The following TBCEL variants were observed in gnomAD, a reference collection of about 807,000 sequenced individuals.
TBCEL encodes tubulin-specific chaperone cofactor E-like protein.
In TBCEL, 15 loss-of-function variants were observed where a neutral mutation model predicts 44.2. That is an observed-to-expected ratio of 0.34 (90% CI 0.23 to 0.52). TBCEL has a LOEUF of 0.52. Ranked by LOEUF, TBCEL falls within the 20% of genes least tolerant of loss-of-function variation. The probability of loss-of-function intolerance (pLI) is 0.95; values close to 1 mark genes in which losing one functional copy is unlikely to be tolerated. For synonymous variants in TBCEL, 171 were observed against 185.4 expected (o/e 0.92, Z 0.63); for missense variants, 319 against 506.3 (o/e 0.63, Z 3.55).
At position 121,079,547 on chromosome 11, in the gene TBCEL, A is replaced by C. The variant is rs1055680645; in HGVS notation, c.957-7231A>C. 3.7e-4 allele frequency among the ~76,000 whole-genome samples: 56 copies of C among 152,170 alleles called. 1 individual carries two copies. Among genetic ancestry groups the C allele is most frequent in the Non-Finnish European group, 1.2e-4 (8 of 68,022 alleles). On this transcript the variant is annotated intron_variant, in intron 8 of 8. Transcript: ENST00000683345. ...TGGGTCTCAATTTTTACATCTGTAA[A>C]TTATGTAATAGATGGTTTCTAAGAT...
At chr11:121,077,598 T>C (rs1209498856) in intron 8 of TBCEL, among the ~76,000 whole-genome samples, 1 of 152,080 alleles carries the variant, frequency 6.6e-6, no homozygotes, top group Non-Finnish European at 1.5e-5. Context: ...TTTCTCTGTT[T>C]TATTTGCTAT....
Position 121,053,552 on chromosome 11 carries a change from T to A in TBCEL, c.275T>A (p.Val92Asp), listed in dbSNP as rs772163083. 6.2e-7 allele frequency: 1 copy of A among 1,611,692 alleles called. No individual in the cohort carries two copies. Among genetic ancestry groups the A allele is most frequent in the Non-Finnish European group, 8.5e-7 (1 of 1,178,494 alleles). ...ATGCTTTTCTTTTTTTCTCCTTAGG[T>A]CAGTAAAATTGTGTCAAATGTTCCT... ...SDNKLEDWHE[V>D]SKIVSNVPQL... Residue 92 changes from valine to aspartate, a missense_variant and splice_region_variant, in exon 5 of 9, where the codon GTC (valine) becomes GAC (aspartate). Coordinates refer to ENST00000683345, the MANE Select transcript of TBCEL (RefSeq NM_001363644.2).
chr11:121,077,653 GC>G (rs1456055063), intron 8 of TBCEL, among the ~76,000 whole-genome samples: 1 of 151,604 alleles, frequency 6.6e-6, no homozygotes, highest in African/African-American at 2.4e-5. Flanking sequence ...CCTTCTTGTT[GC>G]TTTGGATTTA....
intron 4 of TBCEL, among the ~76,000 whole-genome samples, chr11:121,050,895 T>C (rs1277730222): frequency 1.3e-5 from 2 of 151,626 alleles, no homozygotes; most frequent in East Asian, 3.9e-4. Context: ...AGAGGAGTCT[T>C]TTTTATTTTT....
chr11:121,057,825 C>T (rs964764123), intron 6 of TBCEL, among the ~76,000 whole-genome samples: 1 of 142,340 alleles, frequency 7.0e-6, no homozygotes, highest in African/African-American at 2.7e-5. Context: ...GTAGGAGGTC[C>T]TGGAAACCAG....
chr11:121,065,308 A>C (rs142309288), intron 8 of TBCEL, among the ~76,000 whole-genome samples: 1 of 152,330 alleles, frequency 6.6e-6, no homozygotes, highest in African/African-American at 2.4e-5. Flanking sequence ...CTCTGCAAGC[A>C]AGAAAAGATC....
intron 1 of TBCEL, among the ~76,000 whole-genome samples, chr11:121,026,188 C>T (rs890998348): frequency 9.9e-5 from 15 of 152,134 alleles, no homozygotes; most frequent in African/African-American, 3.6e-4. Flanking sequence ...TTACAGTCTA[C>T]GGCTTTGGTA....
At chr11:121,062,677 A>ATTTC (rs1945746438) in intron 8 of TBCEL, among the ~76,000 whole-genome samples, 1 of 152,216 alleles carries the variant, frequency 6.6e-6, no homozygotes, top group South Asian at 2.1e-4. Flanking sequence ...AATGCGAGTC[A>ATTTC]TAGAAACCAG....
intron 2 of TBCEL, among the ~76,000 whole-genome samples, chr11:121,040,882 T>C (rs1945319781): frequency 6.6e-6 from 1 of 152,206 alleles, no homozygotes; most frequent in African/African-American, 2.4e-5. Context: ...TTCTTCTCTC[T>C]GGAGTCAACT....
intron 8 of TBCEL, among the ~76,000 whole-genome samples, chr11:121,068,519 T>C (rs893400202): frequency 6.6e-6 from 1 of 152,082 alleles, no homozygotes; most frequent in Non-Finnish European, 1.5e-5. Flanking sequence ...TCTCCCTGAG[T>C]CCACCCTTGC....
chr11:121,056,669 G>T (rs928611612), intron 6 of TBCEL, among the ~76,000 whole-genome samples: 1 of 151,742 alleles, frequency 6.6e-6, no homozygotes, highest in Non-Finnish European at 1.5e-5. Flanking sequence ...TTTGGATTTT[G>T]ACTATTCTAA....
rs903760511 is a variant in TBCEL at position 121,088,401 on chromosome 11, A to G, written c.*1305A>G. 3.3e-5 allele frequency: 5 copies of G among 152,166 alleles called. No individual in the cohort carries two copies. Among genetic ancestry groups the G allele is most frequent in the African/African-American group, 1.2e-4 (5 of 41,444 alleles). The allele number at this position is 152,166 out of a possible 1,614,324, so 9.4% of individuals were successfully genotyped here. A position where few individuals can be genotyped will look rare whatever the true frequency, so the allele number is the denominator to read the frequency against. ...AAGCACATTTAAAGCACTTTTCTGT[A>G]AAAGCTAGTTCCTTACCTGCTTGGA... On this transcript the variant is annotated 3_prime_UTR_variant, in exon 9 of 9. Coordinates refer to ENST00000683345, the MANE Select transcript of TBCEL (RefSeq NM_001363644.2).
intron 6 of TBCEL, among the ~76,000 whole-genome samples, chr11:121,057,250 A>T (rs1260747922): frequency 6.6e-6 from 1 of 151,832 alleles, no homozygotes; most frequent in Non-Finnish European, 1.5e-5. Flanking sequence ...CTGAAGGTTG[A>T]TAAAAATAGG....
chr11:121,033,662 G>A (rs1034280610), intron 1 of TBCEL, among the ~76,000 whole-genome samples: 6 of 152,032 alleles, frequency 3.9e-5, no homozygotes, highest in African/African-American at 9.7e-5. Flanking sequence ...TAAAATGTAC[G>A]TAACATAAAA....
intron 8 of TBCEL, among the ~76,000 whole-genome samples, chr11:121,077,583 T>C (rs907968946): frequency 6.6e-6 from 1 of 152,114 alleles, no homozygotes; most frequent in East Asian, 1.9e-4. Flanking sequence ...TCGGGTGTTA[T>C]GAGTTTTCTC....
chr11:121,059,526 A>G (rs556911636), intron 7 of TBCEL, among the ~76,000 whole-genome samples: 2 of 152,114 alleles, frequency 1.3e-5, no homozygotes, highest in African/African-American at 2.4e-5. Flanking sequence ...ATGACTAAAA[A>G]TGTAAATTAG....
chr11:121,085,353 A>G (rs1339910331), intron 8 of TBCEL, among the ~76,000 whole-genome samples: 2 of 152,038 alleles, frequency 1.3e-5, no homozygotes, highest in Non-Finnish European at 2.9e-5. Context: ...ATATTTTTTA[A>G]TGGTTGTGTG....
At chr11:121,042,018 T>C (rs1945343822) in intron 2 of TBCEL, among the ~76,000 whole-genome samples, 1 of 152,104 alleles carries the variant, frequency 6.6e-6, no homozygotes, top group African/African-American at 2.4e-5. Flanking sequence ...GCTTCCTTAC[T>C]AGCATTTTAA....
chr11:121,058,713 T>G (rs1248844785), intron 7 of TBCEL, among the ~76,000 whole-genome samples: 1 of 151,870 alleles, frequency 6.6e-6, no homozygotes, highest in Non-Finnish European at 1.5e-5. Flanking sequence ...ACAAATCTGT[T>G]TTTATGCTTT....
Sources: gnomAD v4.1 joint callset for allele counts (sites outside exome capture counted in the v4.1 genomes callset) on GRCh38, gnomAD v4.1.1 for gene constraint, MANE v1.5 for transcripts, NCBI Gene and HGNC (gene_info 2026-07-23, HGNC 2026-07-21) for gene names.